Variants in NAP1L1 observed in about 807,000 individuals in gnomAD.
NAP1L1 encodes the protein nucleosome assembly protein 1 like 1.
A neutral mutation model predicts 58.9 loss-of-function variants in NAP1L1; 9 were observed. The ratio of observed to expected loss-of-function variants is 0.15; its 90% CI spans 0.09 to 0.27. NAP1L1 has a LOEUF of 0.27. Ranked by LOEUF, NAP1L1 falls within the 10% of genes least tolerant of loss-of-function variation. The pLI is 1.00. For synonymous variants in NAP1L1, 130 were observed against 138.3 expected (o/e 0.94, Z 0.42); for missense variants, 302 against 458.8 (o/e 0.66, Z 3.12).
intron 4 of NAP1L1, among the ~76,000 whole-genome samples, chr12:76,066,473 TAAAAAAA>T (rs945152622): frequency 2.0e-5 from 3 of 151,632 alleles, no homozygotes; most frequent in Non-Finnish European, 4.4e-5. Context: ...TGCAAAGCAT[TAAAAAAA>T]AGTTGCAATC....
In NAP1L1 at chr12:76,038,044, G is replaced by A. The variant is rs991468920; in HGVS notation, c.*10385C>T. 10 of 152,192 alleles carry A rather than the reference G, an allele frequency of 6.6e-5. No homozygotes were observed. Among genetic ancestry groups the A allele is most frequent in the African/African-American group, 1.4e-4 (6 of 41,438 alleles). 9.4% of individuals were successfully genotyped at this position (152,192 alleles called of 1,614,324 possible). On this transcript the variant is annotated 3_prime_UTR_variant, in exon 15 of 15. Transcript: ENST00000618691. ...TAATATTAGCTTTGAAGTGACAAAC[G>A]AAAATATGGAACTGGATGAAATGGA...
intron 6 of NAP1L1, chr12:76,056,881 C>T (rs890945872): frequency 1.4e-5 from 4 of 295,524 alleles, no homozygotes; most frequent in African/African-American, 2.2e-5. Context: ...GGCATGGTGG[C>T]GCACGCCTGT....
chr12:76,074,283 A>T, intron 1 of NAP1L1, 44 bp from the exon 2 acceptor site: 1 of 1,517,742 alleles, frequency 6.6e-7, no homozygotes, highest in South Asian at 1.3e-5. Context: ...TATATGATTT[A>T]TTAAAAAAAA....
chr12:76,053,102 T>C lies in NAP1L1; in HGVS notation c.925A>G (p.Ser309Gly), dbSNP rs1948917164. The change falls in exon 11 of 15, where the codon AGT (serine) becomes GGT (glycine). Residue 309 changes from serine (S) to glycine (G), a missense_variant. Physicochemically the swap from Ser to Gly is moderately conservative, Grantham distance 56 (BLOSUM62 0). Coordinates refer to ENST00000618691, the MANE Select transcript of NAP1L1 (RefSeq NM_004537.7). Reference protein sequence around the residue: ...NFFAPPEVPESGDLDDDAEAI... With the variant: ...NFFAPPEVPEGGDLDDDAEAI... ...ACAATTCAACTTACCAGATCTCCACTCTCAGGAACTGCAAAATTGAGAAAA... is the reference window on the plus strand; with the variant it reads ...ACAATTCAACTTACCAGATCTCCACCCTCAGGAACTGCAAAATTGAGAAAA... 1 of 1,610,454 alleles carries C rather than the reference T, an allele frequency of 6.2e-7. No individual in the cohort carries two copies. The highest frequency in any genetic ancestry group is 8.5e-7 in the Non-Finnish European group (1 of 1,177,704).
chr12:76,050,248 C>T (rs1948756733), intron 12 of NAP1L1, among the ~76,000 whole-genome samples: 2 of 152,038 alleles, frequency 1.3e-5, no homozygotes, highest in African/African-American at 4.8e-5. Context: ...TCTGTGAAGT[C>T]AAGGCAAGGG....
At chr12:76,055,697 G>T (rs758971351) in intron 7 of NAP1L1, among the ~76,000 whole-genome samples, 2 of 152,188 alleles carry the variant, frequency 1.3e-5, no homozygotes, top group Non-Finnish European at 2.9e-5. Flanking sequence ...TCCTGGAAGA[G>T]TTAAGGGAAT....
chr12:76,078,808 G>T (rs1018065073), intron 1 of NAP1L1, among the ~76,000 whole-genome samples: 1 of 152,122 alleles, frequency 6.6e-6, no homozygotes, highest in African/African-American at 2.4e-5. Context: ...GAAATGAAAA[G>T]ACATGTTAAG....
chr12:76,057,776 T>G, intron 6 of NAP1L1: 2 of 1,551,100 alleles, frequency 1.3e-6, no homozygotes, highest in Non-Finnish European at 1.7e-6. Flanking sequence ...GAAGCTGGAA[T>G]CTGTCAAGGT....
chr12:76,056,886 G>A (rs898303936), intron 6 of NAP1L1: 14 of 295,936 alleles, frequency 4.7e-5, no homozygotes, highest in South Asian at 3.4e-4. Flanking sequence ...GGTGGCGCAC[G>A]CCTGTTATCC....
At chr12:76,072,192 C>T (rs1949980781) in intron 2 of NAP1L1, among the ~76,000 whole-genome samples, 1 of 145,786 alleles carries the variant, frequency 6.9e-6, no homozygotes. Context: ...TAGATTGAGA[C>T]CAAAACAAAT....
rs927463820 is a variant in NAP1L1 at position 76,042,053 on chromosome 12, A to C, written c.*6376T>G. ...ACCTAGCTCACTTTAGGTTAAGGTC[A>C]ATTTTTTTTTTGTTTTTTACACATA... On this transcript the variant is annotated 3_prime_UTR_variant, in exon 15 of 15. Coordinates refer to ENST00000618691, the MANE Select transcript of NAP1L1 (RefSeq NM_004537.7). 3.3e-5 allele frequency: 5 copies of C among 151,392 alleles called. No individual in the cohort carries two copies. The highest frequency in any genetic ancestry group is 1.2e-4 in the African/African-American group (5 of 40,746). 9.4% of individuals were successfully genotyped at this position (151,392 alleles called of 1,614,324 possible). A position where few individuals can be genotyped will look rare whatever the true frequency, so the allele number is the denominator to read the frequency against.
intron 1 of NAP1L1, among the ~76,000 whole-genome samples, chr12:76,080,366 T>C (rs558804666): frequency 7.9e-5 from 12 of 152,366 alleles, no homozygotes; most frequent in Admixed American, 6.5e-4. Context: ...TACTATACTA[T>C]GCTTTTTGTG....
At chr12:76,077,439 C>T (rs1231014802) in intron 1 of NAP1L1, among the ~76,000 whole-genome samples, 5 of 152,112 alleles carry the variant, frequency 3.3e-5, no homozygotes, top group Non-Finnish European at 7.4e-5. Flanking sequence ...AGCAGAAAAA[C>T]ATCTGAGGAA....
intron 11 of NAP1L1, among the ~76,000 whole-genome samples, chr12:76,052,801 T>C (rs1948904263): frequency 1.3e-5 from 2 of 152,208 alleles, no homozygotes; most frequent in Non-Finnish European, 2.9e-5. Flanking sequence ...TGACTTAATA[T>C]ATTCTGGTTT....
intron 6 of NAP1L1, chr12:76,056,451 A>G: frequency 2.8e-6 from 1 of 363,344 alleles, no homozygotes; most frequent in South Asian, 2.3e-5. Flanking sequence ...ATAATAAACA[A>G]GAAAAGCAAC....
chr12:76,038,381 C>T lies in NAP1L1; in HGVS notation c.*10048G>A, dbSNP rs2136930975. ...AACTAAATTCCAAGGATATTTCCCT[C>T]TTTTGCTGTCATTTTTCCATTGCCA... On this transcript the variant is annotated 3_prime_UTR_variant, in exon 15 of 15. Transcript: ENST00000618691. 6.6e-6 allele frequency: 1 copy of T among 152,274 alleles called. No individual in the cohort carries two copies. Among genetic ancestry groups the T allele is most frequent in the African/African-American group, 2.4e-5 (1 of 41,538 alleles). The allele number at this position is 152,274 out of a possible 1,614,324, so 9.4% of individuals were successfully genotyped here.
intron 6 of NAP1L1, chr12:76,057,095 G>A: frequency 5.4e-6 from 1 of 186,370 alleles, no homozygotes; most frequent in Admixed American, 5.4e-5. Flanking sequence ...GAAGCCAGGA[G>A]TCTAAGACCA....
intron 12 of NAP1L1, 129 bp downstream of exon 12, chr12:76,050,402 A>G: frequency 8.6e-7 from 1 of 1,164,964 alleles, no homozygotes; most frequent in Non-Finnish European, 1.2e-6. Context: ...CTATATACAG[A>G]ACATCAGTAA....
chr12:76,050,863 TAAAC>T (rs1376013359), intron 11 of NAP1L1, among the ~76,000 whole-genome samples: 1 of 151,820 alleles, frequency 6.6e-6, no homozygotes, highest in Non-Finnish European at 1.5e-5. Flanking sequence ...GTACAAAAAA[TAAAC>T]AATTAACTGG....
Sources: gnomAD v4.1 joint callset for allele counts (sites outside exome capture counted in the v4.1 genomes callset) on GRCh38, gnomAD v4.1.1 for gene constraint, MANE v1.5 for transcripts, NCBI Gene and HGNC (gene_info 2026-07-23, HGNC 2026-07-21) for gene names.